GRM8: variants seen among roughly 807,000 people sequenced by gnomAD.
GRM8 encodes metabotropic glutamate receptor 8.
GRM8 carries 47 observed loss-of-function variants against 87.2 expected under a neutral mutation model. That is an observed-to-expected ratio of 0.54 (90% CI 0.43 to 0.69). The LOEUF is 0.69. GRM8 is among the 30% of genes least tolerant of loss of function. GRM8 has a pLI of 0.00. For missense variants in GRM8, 1,019 were observed against 1,139.2 expected, an observed-to-expected ratio of 0.89 and a Z score of 1.52; for synonymous variants, 396 against 404.5, an observed-to-expected ratio of 0.98 and a Z score of 0.25.
At chr7:126,990,449 T>A (rs959510732) in intron 3 of GRM8, among the ~76,000 whole-genome samples, 37 of 151,890 alleles carry the variant, frequency 2.4e-4, no homozygotes, top group Admixed American at 2.4e-3. Context: ...ATAAAAAGCA[T>A]GAAAATGAAA....
chr7:126,786,655 C>T (rs549710929), intron 6 of GRM8, among the ~76,000 whole-genome samples: 117 of 152,238 alleles, frequency 7.7e-4, no homozygotes, highest in Admixed American at 3.1e-3. Context: ...CATGGCATCC[C>T]CTTGTCCTTT....
chr7:126,839,364 T>C (rs1796070275), intron 6 of GRM8, among the ~76,000 whole-genome samples: 1 of 152,246 alleles, frequency 6.6e-6, no homozygotes, highest in East Asian at 1.9e-4. Flanking sequence ...TAATAAGATA[T>C]CCAAGTGATT....
At chr7:126,485,738 A>T (rs1036613052) in intron 9 of GRM8, among the ~76,000 whole-genome samples, 4 of 151,952 alleles carry the variant, frequency 2.6e-5, no homozygotes, top group Non-Finnish European at 4.4e-5. Flanking sequence ...CTACAGTCCT[A>T]AGCTCCTGGA....
At chr7:126,739,457 G>A (rs1166395190) in intron 7 of GRM8, among the ~76,000 whole-genome samples, 1 of 151,644 alleles carries the variant, frequency 6.6e-6, no homozygotes, top group African/African-American at 2.4e-5. Flanking sequence ...GTTTATATTA[G>A]TAAAGTATAA....
chr7:126,911,150 G>T (rs1803247405), intron 3 of GRM8, among the ~76,000 whole-genome samples: 1 of 152,048 alleles, frequency 6.6e-6, no homozygotes, highest in Non-Finnish European at 1.5e-5. Flanking sequence ...TCATATTTTT[G>T]AATCTTCACC....
intron 6 of GRM8, among the ~76,000 whole-genome samples, chr7:126,812,575 G>C (rs1563210880): frequency 6.6e-6 from 1 of 151,992 alleles, no homozygotes. Context: ...CTGCATACAG[G>C]AGGATATGTG....
intron 9 of GRM8, among the ~76,000 whole-genome samples, chr7:126,517,424 C>T: frequency 6.6e-6 from 1 of 152,002 alleles, no homozygotes; most frequent in Non-Finnish European, 1.5e-5. Context: ...CAGACACGAG[C>T]TGAGGCTTAG....
intron 2 of GRM8, among the ~76,000 whole-genome samples, chr7:127,130,844 G>A (rs1280862437): frequency 6.6e-6 from 1 of 152,078 alleles, no homozygotes; most frequent in Non-Finnish European, 1.5e-5. Context: ...GCTTTCTCCT[G>A]CTGCCATGTA....
intron 6 of GRM8, among the ~76,000 whole-genome samples, chr7:126,782,147 T>C (rs1214095317): frequency 6.6e-6 from 1 of 152,196 alleles, no homozygotes; most frequent in African/African-American, 2.4e-5. Flanking sequence ...ACAGGAAGTA[T>C]TGTTTCTTGA....
intron 9 of GRM8, among the ~76,000 whole-genome samples, chr7:126,517,878 T>G (rs1416938183): frequency 6.6e-6 from 1 of 152,098 alleles, no homozygotes; most frequent in Non-Finnish European, 1.5e-5. Flanking sequence ...CCTATATGGT[T>G]TCCATATTTG....
At chr7:127,083,581 G>C (rs1487328712) in intron 3 of GRM8, among the ~76,000 whole-genome samples, 3 of 151,832 alleles carry the variant, frequency 2.0e-5, no homozygotes, top group Admixed American at 6.6e-5. Context: ...CCTTAGTTTG[G>C]TTTAAAAACA....
chr7:126,731,592 T>C (rs1349946529), intron 7 of GRM8, among the ~76,000 whole-genome samples: 1 of 152,070 alleles, frequency 6.6e-6, no homozygotes, highest in East Asian at 1.9e-4. Flanking sequence ...TTTCTACGCA[T>C]CCCAAATCTC....
At chr7:126,618,776 C>T (rs1050286973) in intron 7 of GRM8, among the ~76,000 whole-genome samples, 144 of 152,270 alleles carry the variant, frequency 9.5e-4, no homozygotes, top group African/African-American at 3.3e-3. Context: ...TGAAAAAATG[C>T]TCATCATCAC....
chr7:126,755,275 A>G (rs1816877068), intron 7 of GRM8, among the ~76,000 whole-genome samples: 1 of 151,930 alleles, frequency 6.6e-6, no homozygotes, highest in African/African-American at 2.4e-5. Flanking sequence ...CCCTCACCCC[A>G]AGATAGTTTC....
At chr7:126,615,005 A>G (rs990168141) in intron 7 of GRM8, among the ~76,000 whole-genome samples, 6 of 152,184 alleles carry the variant, frequency 3.9e-5, no homozygotes, top group African/African-American at 1.2e-4. Flanking sequence ...CAACATTCAA[A>G]TTCAGGAAAT....
intron 7 of GRM8, among the ~76,000 whole-genome samples, chr7:126,679,859 A>G (rs1296016113): frequency 6.6e-6 from 1 of 152,050 alleles, no homozygotes; most frequent in African/African-American, 2.4e-5. Flanking sequence ...GCAAAACCCC[A>G]TCTCTACTAA....
At chr7:127,182,888 A>T (rs1794544331) in intron 2 of GRM8, among the ~76,000 whole-genome samples, 1 of 151,574 alleles carries the variant, frequency 6.6e-6, no homozygotes, top group Admixed American at 6.6e-5. Flanking sequence ...GACTTTGGGG[A>T]CTTGGGGGGA....
intron 9 of GRM8, among the ~76,000 whole-genome samples, chr7:126,462,422 C>T (rs1803990176): frequency 1.3e-5 from 2 of 151,442 alleles, no homozygotes; most frequent in Admixed American, 1.3e-4. Flanking sequence ...GTTTTCATTG[C>T]AAAGGTCCTG....
chr7:126,507,086 G>C (rs1433587388), intron 9 of GRM8, among the ~76,000 whole-genome samples: 1 of 151,590 alleles, frequency 6.6e-6, no homozygotes, highest in Admixed American at 6.6e-5. Flanking sequence ...CTTTCCGCAA[G>C]TAATTTTCTC....
Sources: gnomAD v4.1 joint callset for allele counts (sites outside exome capture counted in the v4.1 genomes callset) on GRCh38, gnomAD v4.1.1 for gene constraint, MANE v1.5 for transcripts, NCBI Gene and HGNC (gene_info 2026-07-23, HGNC 2026-07-21) for gene names.